The following DNAAF11 variants were observed in gnomAD, a reference collection of about 807,000 sequenced individuals.
The protein encoded by DNAAF11 is dynein axonemal assembly factor 11, also known as leucine rich repeat containing 6.
DNAAF11 carries 45 observed loss-of-function variants against 60.8 expected under a neutral mutation model. The ratio of observed to expected loss-of-function variants is 0.74; its 90% CI spans 0.58 to 0.95. The LOEUF (loss-of-function observed/expected upper bound fraction) is 0.95. DNAAF11 is among the 40% of genes least tolerant of loss of function. The probability of loss-of-function intolerance (pLI) is 0.00; values close to 1 mark genes in which losing one functional copy is unlikely to be tolerated. For synonymous variants in DNAAF11, 191 were observed against 183.5 expected (o/e 1.04, Z -0.33); for missense variants, 546 against 546.2 (o/e 1.00, Z 0.00).
At chr8:132,696,367 C>T in the DNAAF11 span, among the ~76,000 whole-genome samples, 2 of 152,092 alleles carry the variant, frequency 1.3e-5, no homozygotes, top group Non-Finnish European at 2.9e-5. Flanking sequence ...AGTACACTCA[C>T]TTTGAAAAGC....
chr8:132,677,751 G>C (rs1250878583), upstream of DNAAF11, among the ~76,000 whole-genome samples: 1 of 152,068 alleles, frequency 6.6e-6, no homozygotes, highest in Non-Finnish European at 1.5e-5. Context: ...AAAAAATCGG[G>C]GTGCTGGTGC....
chr8:132,602,566 GTCTGTT>G (rs1254909183), intron 10 of DNAAF11, among the ~76,000 whole-genome samples: 1 of 151,798 alleles, frequency 6.6e-6, no homozygotes, highest in Non-Finnish European at 1.5e-5. Context: ...GTGTTTTACA[GTCTGTT>G]TCTAACAATT....
At chr8:132,686,028 C>T in the DNAAF11 span, among the ~76,000 whole-genome samples, 3 of 151,922 alleles carry the variant, frequency 2.0e-5, no homozygotes, top group South Asian at 4.2e-4. Flanking sequence ...ATACAATGAA[C>T]GAGTCAACAA....
At chr8:132,621,433 G>A (rs1430962807) in intron 7 of DNAAF11, among the ~76,000 whole-genome samples, 1 of 152,182 alleles carries the variant, frequency 6.6e-6, no homozygotes, top group East Asian at 1.9e-4. Context: ...GGGAGGCAGT[G>A]CTAGTGAGGA....
Position 132,572,383 on chromosome 8 carries a change from G to T in DNAAF11, c.1324C>A (p.Arg442=), listed in dbSNP as rs369985188. The stretch of plus-strand genomic sequence containing the variant: ...CTTGGTATAATTTTGGGTTCAGGTC[G>T]TCTTCTGGGTGTGTGTTTTTTCTCT... ...VQEKKHTPRR[R]PEPKIIPSEE... The change falls in exon 12 of 12, where the codon CGA becomes AGA. Residue 442 remains arginine, a synonymous_variant. Coordinates refer to ENST00000620350, the MANE Select transcript of DNAAF11 (RefSeq NM_012472.6). 5.0e-6 allele frequency: 8 copies of T among 1,613,784 alleles called. No individual in the cohort carries two copies. In the African/African-American group the frequency reaches 1.1e-4, roughly 22 times the overall value.
chr8:132,631,490 A>C (rs544577625), intron 5 of DNAAF11, among the ~76,000 whole-genome samples: 5 of 152,344 alleles, frequency 3.3e-5, no homozygotes, highest in African/African-American at 1.2e-4. Flanking sequence ...ATAATGTTGC[A>C]TGAAAAGCAA....
intron 8 of DNAAF11, among the ~76,000 whole-genome samples, chr8:132,611,719 G>C (rs918199947): frequency 3.3e-5 from 5 of 152,042 alleles, no homozygotes; most frequent in Non-Finnish European, 5.9e-5. Flanking sequence ...ATTCTACTCT[G>C]CTTGAGGCCT....
chr8:132,689,131 A>G, the DNAAF11 span, among the ~76,000 whole-genome samples: 1 of 152,202 alleles, frequency 6.6e-6, no homozygotes, highest in Non-Finnish European at 1.5e-5. Context: ...CACAAAATCT[A>G]CAGTTACTCC....
chr8:132,665,442 A>G (rs1406938431), intron 1 of DNAAF11, among the ~76,000 whole-genome samples: 1 of 152,168 alleles, frequency 6.6e-6, no homozygotes, highest in Non-Finnish European at 1.5e-5. Context: ...CATTCTAGAG[A>G]TTTAAAAATG....
intron 10 of DNAAF11, among the ~76,000 whole-genome samples, chr8:132,594,211 A>G (rs1816758051): frequency 6.6e-6 from 1 of 152,206 alleles, no homozygotes; most frequent in Admixed American, 6.5e-5. Context: ...TTTATTTACC[A>G]GAAGGCAAGT....
At chr8:132,675,598 G>A (rs1825724608), upstream of DNAAF11, 9 of 1,262,022 alleles carry the variant, frequency 7.1e-6, no homozygotes, top group Non-Finnish European at 8.6e-6. Context: ...GAATTCAGGA[G>A]CCATGGCAAC....
chr8:132,640,635 C>T (rs1368096750), intron 3 of DNAAF11, among the ~76,000 whole-genome samples: 1 of 152,140 alleles, frequency 6.6e-6, no homozygotes, highest in Admixed American at 6.5e-5. Flanking sequence ...TTAACTTCTT[C>T]ATGTCATTAA....
At chr8:132,672,611 A>G (rs1825292433) in intron 1 of DNAAF11, among the ~76,000 whole-genome samples, 1 of 152,230 alleles carries the variant, frequency 6.6e-6, no homozygotes, top group East Asian at 1.9e-4. Context: ...AATGGAGGTG[A>G]TGATACTAGT....
At chr8:132,685,154 A>G in the DNAAF11 span, 3 of 152,228 alleles carry the variant, frequency 2.0e-5, no homozygotes, top group Non-Finnish European at 4.4e-5. Flanking sequence ...CCACTAATTT[A>G]ATTTTCTCTG....
At chr8:132,609,920 T>G (rs1818485794) in intron 10 of DNAAF11, among the ~76,000 whole-genome samples, 1 of 152,150 alleles carries the variant, frequency 6.6e-6, no homozygotes, top group Non-Finnish European at 1.5e-5. Flanking sequence ...ACAAATTAAT[T>G]TTTTTAAGTT....
At chr8:132,682,912 C>A in the DNAAF11 span, among the ~76,000 whole-genome samples, 2 of 152,062 alleles carry the variant, frequency 1.3e-5, no homozygotes, top group East Asian at 3.9e-4. Flanking sequence ...TTTTAACAAC[C>A]AGCTCTCTCT....
At chr8:132,615,232 A>G (rs770497274) in intron 7 of DNAAF11, 135 bp from the exon 8 acceptor site, 1 of 507,224 alleles carries the variant, frequency 2.0e-6, no homozygotes, top group Non-Finnish European at 3.5e-6. Flanking sequence ...TAGTGGTTGA[A>G]CAATCAAATA....
intron 10 of DNAAF11, among the ~76,000 whole-genome samples, chr8:132,598,410 C>A (rs1817242259): frequency 6.6e-6 from 1 of 151,910 alleles, no homozygotes; most frequent in African/African-American, 2.4e-5. Context: ...AATAAAAATC[C>A]CCAGGTTACA....
Position 132,625,353 on chromosome 8 carries a change from T to C in DNAAF11, c.755A>G (p.Lys252Arg), listed in dbSNP as rs1820149495. 1 of 1,613,692 alleles carries C rather than the reference T, an allele frequency of 6.2e-7. No homozygotes were observed. Residue 252 changes from lysine to arginine, a missense_variant, in exon 6 of 12, where the codon AAG (lysine) becomes AGG (arginine). By Grantham distance (26) the Lys-to-Arg change is conservative (BLOSUM62 2). Transcript: ENST00000620350. ...NSEDDLEFWN[K>R]PCLFTPESRL... ...TGATTCAGGAGTAAACAAACAGGGC[T>C]TATTCCAGAATTCCAAGTCATCTTC...
Sources: allele counts gnomAD v4.1 joint callset (sites outside exome capture counted in the v4.1 genomes callset), GRCh38; gene constraint gnomAD v4.1.1; transcripts MANE v1.5; gene names NCBI Gene and HGNC (gene_info 2026-07-23, HGNC 2026-07-21).